MCTP2: variants seen among roughly 807,000 people sequenced by gnomAD.
MCTP2 encodes multiple C2 and transmembrane domain containing 2.
A neutral mutation model predicts 111.6 loss-of-function variants in MCTP2; 132 were observed. That is an observed-to-expected ratio of 1.18 (90% CI 1.03 to 1.37). MCTP2 has a LOEUF of 1.37. Among genes scored for constraint, MCTP2 ranks in the 40% most tolerant of loss-of-function variants. MCTP2 has a pLI of 0.00. For synonymous variants in MCTP2, 395 were observed against 387.7 expected (o/e 1.02, Z -0.22); for missense variants, 1,183 against 1,067.9 (o/e 1.11, Z -1.50).
At chr15:94,316,008 A>C (rs1400529201) in intron 4 of MCTP2, among the ~76,000 whole-genome samples, 2 of 152,208 alleles carry the variant, frequency 1.3e-5, no homozygotes, top group African/African-American at 2.4e-5. Context: ...TCAGATGTAC[A>C]CATTGACAGA....
intron 1 of MCTP2, among the ~76,000 whole-genome samples, chr15:94,246,184 C>T (rs1178144152): frequency 6.6e-6 from 1 of 152,082 alleles, no homozygotes; most frequent in Admixed American, 6.5e-5. Flanking sequence ...GGAATGGACA[C>T]TGAAACCGTC....
intron 1 of MCTP2, among the ~76,000 whole-genome samples, chr15:94,271,074 G>A (rs564625888): frequency 1.3e-5 from 2 of 152,316 alleles, no homozygotes; most frequent in East Asian, 3.9e-4. Context: ...TCACAACAGT[G>A]TTACCAGTCA....
intron 6 of MCTP2, 34 bp from the exon 7 acceptor site, chr15:94,340,779 A>T: frequency 7.4e-7 from 1 of 1,343,286 alleles, no homozygotes; most frequent in East Asian, 2.3e-5. Context: ...CCTGTCAATA[A>T]GTGGTAGCAT....
At chr15:94,466,633 C>CTTGTGCCCCCAATCTCCCA (rs2073340544) in intron 20 of MCTP2, among the ~76,000 whole-genome samples, 3 of 152,120 alleles carry the variant, frequency 2.0e-5, no homozygotes, top group Non-Finnish European at 4.4e-5. Context: ...TAGGCTTCCC[C>CTTGTGCCCCCAATCTCCCA]TCGTGCCCCC....
At chr15:94,248,329 T>C (rs1394962548) in intron 1 of MCTP2, among the ~76,000 whole-genome samples, 1 of 152,180 alleles carries the variant, frequency 6.6e-6, no homozygotes, top group Non-Finnish European at 1.5e-5. Context: ...ACACAGGCAT[T>C]ACCCTTCCAC....
At chr15:94,273,017 C>T (rs966463111) in intron 1 of MCTP2, among the ~76,000 whole-genome samples, 1 of 152,198 alleles carries the variant, frequency 6.6e-6, no homozygotes, top group African/African-American at 2.4e-5. Context: ...AAAGTCAAGA[C>T]TGATCTCAGG....
At chr15:94,411,067 G>T (rs1332176185) in intron 17 of MCTP2, among the ~76,000 whole-genome samples, 1 of 152,130 alleles carries the variant, frequency 6.6e-6, no homozygotes, top group African/African-American at 2.4e-5. Context: ...TTCTATTTTT[G>T]ATATTTTCAG....
chr15:94,437,114 T>C (rs1329647742), intron 17 of MCTP2, among the ~76,000 whole-genome samples: 3 of 144,178 alleles, frequency 2.1e-5, no homozygotes, highest in African/African-American at 7.8e-5. Flanking sequence ...ATTTTTTTCA[T>C]TGATCCAAAA....
intron 17 of MCTP2, among the ~76,000 whole-genome samples, chr15:94,434,283 G>A (rs566846401): frequency 2.6e-5 from 4 of 151,844 alleles, no homozygotes; most frequent in Admixed American, 1.3e-4. Flanking sequence ...TTGTGATGTT[G>A]CCCAGGCTGG....
intron 1 of MCTP2, among the ~76,000 whole-genome samples, chr15:94,277,708 T>C (rs28871030): frequency 0.53 from 80,067 of 151,912 alleles, 21,452 homozygotes; most frequent in African/African-American, 0.63. Context: ...GGGGATTTTT[T>C]ATGACGTACA....
chr15:94,372,732 T>C (rs895708336), intron 12 of MCTP2, among the ~76,000 whole-genome samples: 2 of 152,054 alleles, frequency 1.3e-5, no homozygotes, highest in African/African-American at 2.4e-5. Flanking sequence ...AAATGAGCGT[T>C]CATTTATTGC....
intron 4 of MCTP2, among the ~76,000 whole-genome samples, chr15:94,318,088 A>G (rs7178199): frequency 0.89 from 136,006 of 152,142 alleles, 60,796 homozygotes; most frequent in East Asian, 0.99. Flanking sequence ...CCTGATTCTT[A>G]CCCTGATCCG....
intron 12 of MCTP2, among the ~76,000 whole-genome samples, chr15:94,377,927 G>A (rs1368845649): frequency 6.6e-6 from 1 of 152,042 alleles, no homozygotes; most frequent in Non-Finnish European, 1.5e-5. Context: ...CTTTTTCAGA[G>A]GTCTGGAAGA....
At chr15:94,303,588 G>C (rs1344427691) in intron 2 of MCTP2, among the ~76,000 whole-genome samples, 1 of 152,106 alleles carries the variant, frequency 6.6e-6, no homozygotes, top group African/African-American at 2.4e-5. Flanking sequence ...AAAACCATCA[G>C]ATCTCATGAG....
At chr15:94,355,598 G>T (rs2078577017) in intron 8 of MCTP2, among the ~76,000 whole-genome samples, 1 of 152,142 alleles carries the variant, frequency 6.6e-6, no homozygotes, top group African/African-American at 2.4e-5. Context: ...AGCTCATTTG[G>T]CCAGCTAGGC....
chr15:94,472,005 TA>T (rs2073968719), intron 21 of MCTP2, among the ~76,000 whole-genome samples: 2 of 152,212 alleles, frequency 1.3e-5, no homozygotes, highest in South Asian at 4.1e-4. Context: ...GGTCAGCTGT[TA>T]AACATTGCTT....
At chr15:94,452,435 G>T (rs1387600104) in intron 19 of MCTP2, among the ~76,000 whole-genome samples, 1 of 152,156 alleles carries the variant, frequency 6.6e-6, no homozygotes, top group Non-Finnish European at 1.5e-5. Context: ...AGCTTGAGTT[G>T]GGCCTTCCAG....
intron 4 of MCTP2, among the ~76,000 whole-genome samples, chr15:94,327,072 C>A (rs2152384666): frequency 6.6e-6 from 1 of 152,030 alleles, no homozygotes; most frequent in African/African-American, 2.4e-5. Flanking sequence ...TGTCACTTGC[C>A]TTTAGATTGT....
intron 14 of MCTP2, among the ~76,000 whole-genome samples, chr15:94,391,406 T>C (rs570556766): frequency 6.6e-6 from 1 of 152,272 alleles, no homozygotes; most frequent in East Asian, 1.9e-4. Context: ...GATTTATAAT[T>C]AAGCTTTAAA....
Sources: allele counts gnomAD v4.1 joint callset (sites outside exome capture counted in the v4.1 genomes callset), GRCh38; gene constraint gnomAD v4.1.1; transcripts MANE v1.5; gene names NCBI Gene and HGNC (gene_info 2026-07-23, HGNC 2026-07-21).